SLC23A2: variants seen among roughly 807,000 people sequenced by gnomAD.
SLC23A2 encodes Na(+)/L-ascorbic acid transporter 2.
In SLC23A2, 36 loss-of-function variants were observed where a neutral mutation model predicts 73.3. The ratio of observed to expected loss-of-function variants is 0.49; its 90% CI spans 0.38 to 0.65. The LOEUF (loss-of-function observed/expected upper bound fraction) is 0.65. SLC23A2 is among the 30% of genes least tolerant of loss of function. The pLI, the probability that SLC23A2 is intolerant of heterozygous loss-of-function variation, is 0.00. For synonymous variants in SLC23A2, 343 were observed against 327.3 expected (o/e 1.05, Z -0.52); for missense variants, 507 against 841.6 (o/e 0.60, Z 4.92).
At chr20:4,881,019 C>A (rs1434343791) in intron 9 of SLC23A2, among the ~76,000 whole-genome samples, 1 of 152,150 alleles carries the variant, frequency 6.6e-6, no homozygotes, top group Non-Finnish European at 1.5e-5. Flanking sequence ...AGAACGGGTT[C>A]AGAATTTGTT....
intron 2 of SLC23A2, among the ~76,000 whole-genome samples, chr20:4,946,065 G>A (rs1185272216): frequency 6.6e-6 from 1 of 152,158 alleles, no homozygotes; most frequent in Non-Finnish European, 1.5e-5. Flanking sequence ...GCAATGGAAG[G>A]AATCTCCTTT....
At chr20:4,994,099 C>T (rs542421692) in intron 1 of SLC23A2, among the ~76,000 whole-genome samples, 3 of 152,108 alleles carry the variant, frequency 2.0e-5, no homozygotes, top group African/African-American at 7.2e-5. Flanking sequence ...AATATAGATA[C>T]ATGAATTCAA....
At chr20:5,000,472 G>A (rs1411856795) in intron 1 of SLC23A2, among the ~76,000 whole-genome samples, 1 of 152,110 alleles carries the variant, frequency 6.6e-6, no homozygotes, top group Non-Finnish European at 1.5e-5. Context: ...TCTGCGCGCA[G>A]ATGACCCAAT....
In SLC23A2 at chr20:4,868,491, G is replaced by A. The variant is rs761945037; in HGVS notation, c.1251-616C>T. On this transcript the variant is annotated intron_variant, in intron 12 of 16. Transcript: ENST00000338244. The surrounding 1 kb of genome is among the most constrained non-coding windows in gnomAD (Gnocchi z 4.4). ...CCGCAAATGAAAGCAAAGGATTTTA[G>A]CCAGAAAATAAAGCCATTTGTTGGG... Among the ~76,000 whole-genome samples the A allele has an allele frequency of 7.2e-5, 11 of 152,178 alleles. No individual in the cohort carries two copies. Among genetic ancestry groups the A allele is most frequent in the Non-Finnish European group, 1.6e-4 (11 of 68,038 alleles).
Position 4,854,155 on chromosome 20 carries a change from A to G in SLC23A2, c.*2817T>C, listed in dbSNP as rs1333739632. On this transcript the variant is annotated 3_prime_UTR_variant, in exon 17 of 17. Coordinates refer to ENST00000338244, the MANE Select transcript of SLC23A2 (RefSeq NM_005116.6). Reference sequence around the variant, plus strand: ...ACATTCACATCCAAAATATTTTACAACACTCTACAGGCAAAACAAAGTACG... The same window carrying G: ...ACATTCACATCCAAAATATTTTACAGCACTCTACAGGCAAAACAAAGTACG... 1 of 152,152 alleles carries G rather than the reference A, an allele frequency of 6.6e-6. No homozygotes were observed. The highest frequency in any genetic ancestry group is 1.5e-5 in the Non-Finnish European group (1 of 68,014). The allele number at this position is 152,152 out of a possible 1,614,324, so 9.4% of individuals were successfully genotyped here. A position where few individuals can be genotyped will look rare whatever the true frequency, so the allele number is the denominator to read the frequency against.
chr20:4,951,999 A>C (rs939201444), intron 2 of SLC23A2, among the ~76,000 whole-genome samples: 1 of 145,850 alleles, frequency 6.9e-6, no homozygotes, highest in African/African-American at 2.5e-5. Context: ...GCTACTTGTG[A>C]GGCTGAGGGC....
At chr20:4,917,793 C>G (rs138382707) in intron 3 of SLC23A2, among the ~76,000 whole-genome samples, 1 of 152,076 alleles carries the variant, frequency 6.6e-6, no homozygotes, top group Non-Finnish European at 1.5e-5. Flanking sequence ...TGTAATAAGA[C>G]GGGGACACCA....
chr20:4,871,037 A>G (rs1325942215), intron 11 of SLC23A2, among the ~76,000 whole-genome samples: 2 of 152,214 alleles, frequency 1.3e-5, no homozygotes, highest in Non-Finnish European at 2.9e-5. Context: ...TTGGACTTGA[A>G]AGCCATAGGT....
chr20:4,894,394 C>T (rs904225338), intron 6 of SLC23A2, among the ~76,000 whole-genome samples: 3 of 152,184 alleles, frequency 2.0e-5, no homozygotes, highest in Admixed American at 6.5e-5. Context: ...AAAAAGACAA[C>T]GGCCCCTGGA....
At chr20:4,881,370 G>A (rs1930876301) in intron 9 of SLC23A2, among the ~76,000 whole-genome samples, 1 of 152,192 alleles carries the variant, frequency 6.6e-6, no homozygotes, top group African/African-American at 2.4e-5. Flanking sequence ...AGAGAAGGGG[G>A]CCAGGATCAA....
chr20:4,956,885 G>A (rs1211633804), intron 2 of SLC23A2, among the ~76,000 whole-genome samples: 1 of 143,982 alleles, frequency 6.9e-6, no homozygotes, highest in Non-Finnish European at 1.5e-5. Flanking sequence ...TTGGCTCACT[G>A]CAACCTCTGC....
At chr20:5,009,698 G>A (rs972218110) in intron 1 of SLC23A2, among the ~76,000 whole-genome samples, 3 of 152,112 alleles carry the variant, frequency 2.0e-5, no homozygotes, top group Non-Finnish European at 4.4e-5. Context: ...GAAATGCGAA[G>A]GGAAAGAACT....
chr20:4,957,672 G>A (rs146824672), intron 2 of SLC23A2, among the ~76,000 whole-genome samples: 2,244 of 151,540 alleles, frequency 0.015, 49 homozygotes, highest in African/African-American at 0.051. Flanking sequence ...AGGCCAAGGC[G>A]GGCAGATTAC....
intron 16 of SLC23A2, 29 bp downstream of exon 16, chr20:4,859,260 A>T (rs763046733): frequency 2.9e-6 from 4 of 1,369,704 alleles, no homozygotes; most frequent in Non-Finnish European, 4.1e-6. Context: ...ATAAAAAAAA[A>T]AAAAGTGTGT....
intron 2 of SLC23A2, among the ~76,000 whole-genome samples, chr20:4,955,246 CCCTATCTCTAA>C (rs750986072): frequency 9.3e-5 from 14 of 151,096 alleles, no homozygotes; most frequent in Non-Finnish European, 2.1e-4. Flanking sequence ...AGAGTTAAGA[CCCTATCTCTAA>C]AAAGAAGAAA....
chr20:4,979,217 C>T (rs1389538579), intron 1 of SLC23A2, among the ~76,000 whole-genome samples: 3 of 151,642 alleles, frequency 2.0e-5, no homozygotes, highest in South Asian at 2.1e-4. Context: ...CGCTTGAACC[C>T]GGGAGGCGGA....
chr20:4,940,016 C>T (rs937444325), intron 2 of SLC23A2, among the ~76,000 whole-genome samples: 1 of 152,106 alleles, frequency 6.6e-6, no homozygotes, highest in Non-Finnish European at 1.5e-5. Flanking sequence ...CTAAAAAATC[C>T]TCTAGAAGAA....
intron 3 of SLC23A2, among the ~76,000 whole-genome samples, chr20:4,927,678 CCCA>C (rs1932719043): frequency 1.3e-5 from 2 of 152,192 alleles, no homozygotes; most frequent in East Asian, 1.9e-4. Context: ...CCAACATATA[CCCA>C]ATCAGGTTCT....
At chr20:4,950,660 C>T (rs1442632635) in intron 2 of SLC23A2, among the ~76,000 whole-genome samples, 1 of 152,060 alleles carries the variant, frequency 6.6e-6, no homozygotes, top group South Asian at 2.1e-4. Flanking sequence ...AGTGGGCACC[C>T]TCTGCCCTGT....
Sources: gnomAD v4.1 joint callset for allele counts (sites outside exome capture counted in the v4.1 genomes callset) on GRCh38, gnomAD v4.1.1 for gene constraint, Gnocchi (gnomAD v3.1) non-coding constraint, MANE v1.5 for transcripts, NCBI Gene and HGNC (gene_info 2026-07-23, HGNC 2026-07-21) for gene names.